Variants in SMCO2 observed in about 807,000 individuals in gnomAD.
SMCO2 encodes the protein single-pass membrane protein with coiled-coil domains 2, also known as single-pass membrane and coiled-coil domain-containing protein 2.
A neutral mutation model predicts 29.5 loss-of-function variants in SMCO2; 25 were observed. The observed-to-expected ratio is 0.85, with a 90% CI of 0.62 to 1.18. SMCO2 has a LOEUF of 1.18. Ranked by LOEUF, SMCO2 falls within the 50% of genes most tolerant of loss-of-function variation. The pLI, the probability that SMCO2 is intolerant of heterozygous loss-of-function variation, is 0.00. For missense variants in SMCO2, 348 were observed against 344.5 expected, an observed-to-expected ratio of 1.01 and a Z score of -0.08; for synonymous variants, 117 against 123.3, an observed-to-expected ratio of 0.95 and a Z score of 0.34.
chr12:27,479,291 G>T (rs1374120066), intron 4 of SMCO2, among the ~76,000 whole-genome samples: 1 of 151,490 alleles, frequency 6.6e-6, no homozygotes, highest in Non-Finnish European at 1.5e-5. Context: ...GGGGTAGGCT[G>T]CTCCTCAGGC....
At chr12:27,472,787 A>C in exon 3 of SMCO2, 1 of 1,550,600 alleles carries the variant, frequency 6.4e-7, no homozygotes. Context: ...TTGCTAAAGG[A>C]AATTATCAAA....
At chr12:27,451,048 C>G in the SMCO2 span, among the ~76,000 whole-genome samples, 1 of 152,200 alleles carries the variant, frequency 6.6e-6, no homozygotes, top group African/African-American at 2.4e-5. Context: ...TTCATCTTTT[C>G]TCATGTAAAT....
intron 7 of SMCO2, among the ~76,000 whole-genome samples, chr12:27,498,946 T>C (rs1943044355): frequency 6.6e-6 from 1 of 150,462 alleles, no homozygotes; most frequent in African/African-American, 2.5e-5. Flanking sequence ...ATAACTAGCA[T>C]TGGAGAGGAT....
the SMCO2 span, among the ~76,000 whole-genome samples, chr12:27,438,792 A>C: frequency 2.1e-5 from 3 of 144,112 alleles, no homozygotes; most frequent in Non-Finnish European, 3.0e-5. Flanking sequence ...CCACAAAAAA[A>C]CAAACAAACA....
At chr12:27,442,764 G>T in the SMCO2 span, among the ~76,000 whole-genome samples, 5,322 of 152,232 alleles carry the variant, frequency 0.035, 119 homozygotes, top group Non-Finnish European at 0.046. Flanking sequence ...GCAACTACAG[G>T]CATGCGCCAC....
the SMCO2 span, among the ~76,000 whole-genome samples, chr12:27,427,275 G>A: frequency 3.9e-5 from 6 of 152,172 alleles, no homozygotes; most frequent in Non-Finnish European, 8.8e-5. Context: ...CACAGATTAT[G>A]GGTCTCCTCA....
intron 7 of SMCO2, chr12:27,498,470 A>T (rs544248936): frequency 1.4e-5 from 3 of 219,798 alleles, no homozygotes; most frequent in Non-Finnish European, 2.9e-5. Context: ...GTGGAGAAAG[A>T]TCGACAAGAG....
chr12:27,502,163 T>G, exon 8 of SMCO2: 1 of 1,417,504 alleles, frequency 7.1e-7, no homozygotes, highest in Non-Finnish European at 9.3e-7. Context: ...TTCTCACCAG[T>G]AAACATTGTG....
chr12:27,489,860 T>C (rs1384562545), intron 5 of SMCO2, among the ~76,000 whole-genome samples: 7 of 152,200 alleles, frequency 4.6e-5, no homozygotes, highest in African/African-American at 1.7e-4. Context: ...CTGTTAGTAT[T>C]ACAAAAATGT....
In SMCO2 at chr12:27,470,640, C is replaced by T. The variant is rs758995977; in HGVS notation, c.9C>T (p.Leu3=). The T allele has an allele frequency of 9.4e-5, 146 of 1,550,808 alleles. No homozygotes were observed. The Middle Eastern group carries it at 1.0e-3, about 11-fold the overall frequency. Residue 3 remains leucine (L), a synonymous_variant, in exon 2 of 8, where the codon CTC becomes CTT. Coordinates refer to ENST00000298876, the Ensembl canonical transcript of SMCO2. Reference sequence around the variant, plus strand: ...CTTACAGTGCCGAAGAAATGGCTCTCACGCCCACAAACCTAAATAACAAAA... The same window carrying T: ...CTTACAGTGCCGAAGAAATGGCTCTTACGCCCACAAACCTAAATAACAAAA...
At chr12:27,429,207 G>C in the SMCO2 span, among the ~76,000 whole-genome samples, 1 of 151,730 alleles carries the variant, frequency 6.6e-6, no homozygotes, top group Non-Finnish European at 1.5e-5. Flanking sequence ...TTTTCTGTTT[G>C]TAAAAGAACT....
chr12:27,454,557 A>G, the SMCO2 span, among the ~76,000 whole-genome samples: 1 of 152,002 alleles, frequency 6.6e-6, no homozygotes, highest in South Asian at 2.1e-4. Context: ...CCTATTTTCT[A>G]TATTTTGGAT....
the SMCO2 span, among the ~76,000 whole-genome samples, chr12:27,437,277 C>T: frequency 6.6e-6 from 1 of 151,428 alleles, no homozygotes; most frequent in Non-Finnish European, 1.5e-5. Flanking sequence ...TCTCAAAAAA[C>T]AAAAACAAAA....
chr12:27,486,018 T>G (rs1241162941), intron 4 of SMCO2, among the ~76,000 whole-genome samples: 1 of 152,222 alleles, frequency 6.6e-6, no homozygotes, highest in Non-Finnish European at 1.5e-5. Flanking sequence ...AAACAATACC[T>G]TCTGAGTATT....
At chr12:27,469,121 G>A (rs1322490924) in intron 1 of SMCO2, among the ~76,000 whole-genome samples, 1 of 152,160 alleles carries the variant, frequency 6.6e-6, no homozygotes, top group Non-Finnish European at 1.5e-5. Context: ...CATAAAAACA[G>A]TAAACAAGGC....
At chr12:27,464,586 G>A (rs2346352), upstream of SMCO2, among the ~76,000 whole-genome samples, 3 of 151,472 alleles carry the variant, frequency 2.0e-5, no homozygotes, top group East Asian at 1.9e-4. Context: ...GTGTGGTGGC[G>A]CATGCTTGCA....
chr12:27,494,406 T>C lies in SMCO2; in HGVS notation c.507+50T>C, dbSNP rs1356418462. The C allele has an allele frequency of 2.9e-6, 4 of 1,370,154 alleles. No homozygotes were observed. In the East Asian group the frequency reaches 8.3e-5, roughly 28 times the overall value. The allele number at this position is 1,370,154 out of a possible 1,614,324, so 84.9% of individuals were successfully genotyped here. On this transcript the variant is annotated intron_variant, in intron 6 of 7. Coordinates refer to ENST00000298876, the Ensembl canonical transcript of SMCO2. ...AACAATGATAAAATCAGATAATTTA[T>C]GTCTAAATACAGGGGTCATTCATTG...
chr12:27,480,072 A>C (rs1427377272), intron 4 of SMCO2, among the ~76,000 whole-genome samples: 1 of 152,184 alleles, frequency 6.6e-6, no homozygotes, highest in Non-Finnish European at 1.5e-5. Context: ...CCTGGAAAGC[A>C]ACTGGTGCAA....
chr12:27,430,128 C>A, the SMCO2 span, among the ~76,000 whole-genome samples: 1 of 152,102 alleles, frequency 6.6e-6, no homozygotes, highest in Admixed American at 6.6e-5. Flanking sequence ...CCCACTGATT[C>A]GAAATGTTGC....
Sources: gnomAD v4.1 joint callset for allele counts (sites outside exome capture counted in the v4.1 genomes callset) on GRCh38, gnomAD v4.1.1 for gene constraint, MANE v1.5 for transcripts, NCBI Gene and HGNC (gene_info 2026-07-23, HGNC 2026-07-21) for gene names.